The following PHRF1 variants were observed in gnomAD, a reference collection of about 807,000 sequenced individuals.
PHRF1 encodes PHD and RING finger domain-containing protein 1.
PHRF1 carries 53 observed loss-of-function variants against 128.9 expected under a neutral mutation model. The ratio of observed to expected loss-of-function variants is 0.41; its 90% CI spans 0.33 to 0.52. PHRF1 has a LOEUF of 0.52. PHRF1 is among the 20% of genes least tolerant of loss of function. The probability of loss-of-function intolerance (pLI) is 0.21; values close to 1 mark genes in which losing one functional copy is unlikely to be tolerated. For synonymous variants in PHRF1, 1,178 were observed against 980.6 expected, an observed-to-expected ratio of 1.20 and a Z score of -3.76; for missense variants, 2,503 against 2,284.5, an observed-to-expected ratio of 1.10 and a Z score of -1.95.
rs371041555 is a variant in PHRF1, at chr11:580,866, T to A, written c.-21-626T>A. 1.8e-4 allele frequency among the ~76,000 whole-genome samples: 27 copies of A among 152,214 alleles called. No homozygotes were observed. In the South Asian group the frequency reaches 5.6e-3, roughly 32 times the overall value. The stretch of plus-strand genomic sequence containing the variant: ...ACCACGCCTGGCTAATTTTTGTATT[T>A]TTAGTAGAGACGGGGTTTCATCATG... On this transcript the variant is annotated intron_variant, in intron 1 of 17. Coordinates refer to ENST00000264555, the MANE Select transcript of PHRF1 (RefSeq NM_001286581.2).
rs1164848927 is a variant in PHRF1 at position 609,535 on chromosome 11, C to T, written c.4079C>T (p.Ser1360Phe). The T allele has an allele frequency of 6.2e-7, 1 of 1,600,792 alleles. No individual in the cohort carries two copies. The highest frequency in any genetic ancestry group is 8.5e-7 in the Non-Finnish European group (1 of 1,176,166). ...GCTGAGAAGGCTGAGGCACCCAGTT[C>T]CCCGGATGTGGCGCCTGCGGGGAAG... Reference protein sequence around the residue: ...DAAEKAEAPSSPDVAPAGKED... With the variant: ...DAAEKAEAPSFPDVAPAGKED... The change falls in exon 14 of 18, where the codon TCC (serine) becomes TTC (phenylalanine). Residue 1360 changes from serine (S) to phenylalanine (F), a missense_variant. Coordinates refer to ENST00000264555, the MANE Select transcript of PHRF1 (RefSeq NM_001286581.2).
chr11:608,771 GAGT>G lies in PHRF1; in HGVS notation c.3318_3320del (p.Ser1106del). 1 of 1,611,836 alleles carries G rather than the reference GAGT, an allele frequency of 6.2e-7. No homozygotes were observed. Among genetic ancestry groups the G allele is most frequent in the Non-Finnish European group, 8.5e-7 (1 of 1,179,676 alleles). On this transcript the variant is annotated inframe_deletion, in exon 14 of 18. Coordinates refer to ENST00000264555, the MANE Select transcript of PHRF1 (RefSeq NM_001286581.2). ...GCAGCTCTTCCTATGAGCACTATGA[GAGT>G]AGGAAGAAGAAGAAAAGGAGATCAG...
In PHRF1 at chr11:611,138, G is replaced by A. The variant is rs144439467; in HGVS notation, c.4806+56G>A. 2,058 of 1,599,702 alleles carry A rather than the reference G, an allele frequency of 1.3e-3. 20 individuals are homozygous for A. In the African/African-American group the frequency reaches 0.025, roughly 19 times the overall value. On this transcript the variant is annotated intron_variant, in intron 17 of 17. Transcript: ENST00000264555. ...TCGGGGTCACGGGCGGTACGTCGCT[G>A]CTGTCTCGTCAGCATGGACTTTGGG...
rs766388644 is a variant in PHRF1 at position 611,768 on chromosome 11, C to T, written c.4941C>T (p.Ala1647=). Residue 1647 remains alanine, a synonymous_variant, in exon 18 of 18, where the codon GCC becomes GCT. Coordinates refer to ENST00000264555, the MANE Select transcript of PHRF1 (RefSeq NM_001286581.2). ...GGGAGGAGCCGCCCACGCAGGGGGC[C>T]GAGGGCTGAGGCCAGGCAATCACGG... ...EAGEEPPTQG[A]EG The T allele has an allele frequency of 8.1e-6, 13 of 1,603,912 alleles. No homozygotes were observed. The highest frequency in any genetic ancestry group is 5.1e-5 in the Admixed American group (3 of 58,274).
In PHRF1 at chr11:601,579, C is replaced by T. The variant is rs764662939; in HGVS notation, c.1030C>T (p.Arg344Trp). 5.6e-6 allele frequency: 9 copies of T among 1,613,504 alleles called. No individual in the cohort carries two copies. Among genetic ancestry groups the T allele is most frequent in the South Asian group, 4.4e-5 (4 of 91,072 alleles). Residue 344 changes from arginine to tryptophan, a missense_variant, in exon 10 of 18, where the codon CGG becomes TGG. Physicochemically the swap from Arg to Trp is moderately radical, Grantham distance 101. Transcript: ENST00000264555. ...CTTCAACCTCTTTTCCTTAGGAAGACGGAAGAAAGTGCCGGGAAGAAAGAA... is the reference window on the plus strand; with the variant it reads ...CTTCAACCTCTTTTCCTTAGGAAGATGGAAGAAAGTGCCGGGAAGAAAGAA... ...PARRKRKTRR[R>W]KKVPGRKKTP...
intron 9 of PHRF1, among the ~76,000 whole-genome samples, chr11:601,183 AC>A (rs1006634310): frequency 4.6e-5 from 7 of 151,086 alleles, no homozygotes; most frequent in South Asian, 4.2e-4. Context: ...GGTGGCTCAC[AC>A]CTGTAATCCT....
chr11:582,242 C>T lies in PHRF1; in HGVS notation c.214+161C>T, dbSNP rs1054956436. Among the ~76,000 whole-genome samples the T allele has an allele frequency of 2.0e-5, 3 of 150,802 alleles. No homozygotes were observed. In the South Asian group the frequency reaches 6.3e-4, roughly 32 times the overall value. Reference sequence around the variant, plus strand: ...TATATTCAGCTGTGGTGACGGCTCACTTTATTTGTAGTACTTCATTTCTTT... The same window carrying T: ...TATATTCAGCTGTGGTGACGGCTCATTTTATTTGTAGTACTTCATTTCTTT... On this transcript the variant is annotated intron_variant, in intron 3 of 17. Transcript: ENST00000264555.
At chr11:590,520 A>C (rs1854904665) in intron 4 of PHRF1, among the ~76,000 whole-genome samples, 1 of 152,306 alleles carries the variant, frequency 6.6e-6, no homozygotes, top group Middle Eastern at 3.4e-3. Context: ...CCCGAAGACC[A>C]GGGTGGGTAC....
At position 607,174 on chromosome 11, in the gene PHRF1, C is replaced by G. The variant is rs751366941; in HGVS notation, c.1718C>G (p.Pro573Arg). The G allele has an allele frequency of 2.5e-6, 4 of 1,612,590 alleles. No individual in the cohort carries two copies. Among genetic ancestry groups the G allele is most frequent in the Non-Finnish European group, 3.4e-6 (4 of 1,179,790 alleles). The change falls in exon 14 of 18, where the codon CCG (proline) becomes CGG (arginine). Residue 573 changes from proline (P) to arginine (R), a missense_variant. Pro to Arg is a moderately radical substitution (Grantham distance 103). Coordinates refer to ENST00000264555, the MANE Select transcript of PHRF1 (RefSeq NM_001286581.2). ...CCCTCCGGGAGCCCGGCCCAAGGCCCGTCAGGAAACAGGCCACAGAGCACA... is the reference window on the plus strand; with the variant it reads ...CCCTCCGGGAGCCCGGCCCAAGGCCGGTCAGGAAACAGGCCACAGAGCACA... ...ALPSGSPAQG[P>R]SGNRPQSTGL...
intron 6 of PHRF1, 44 bp downstream of exon 6, chr11:592,718 A>G: frequency 6.3e-6 from 10 of 1,587,916 alleles, no homozygotes; most frequent in Non-Finnish European, 8.6e-6. Context: ...GCTGCGTGCA[A>G]GGCGGGCCAG....
At chr11:589,658 G>T (rs377273605) in intron 4 of PHRF1, among the ~76,000 whole-genome samples, 2 of 152,222 alleles carry the variant, frequency 1.3e-5, no homozygotes, top group Non-Finnish European at 2.9e-5. Context: ...TCAAGATCTC[G>T]GACTAGAAAG....
chr11:608,165 C>G lies in PHRF1; in HGVS notation c.2709C>G (p.Ser903=). The G allele has an allele frequency of 6.2e-7, 1 of 1,610,876 alleles. No individual in the cohort carries two copies. The highest frequency in any genetic ancestry group is 8.5e-7 in the Non-Finnish European group (1 of 1,179,838). The change falls in exon 14 of 18, where the codon TCC becomes TCG. Residue 903 remains serine, a synonymous_variant. Coordinates refer to ENST00000264555, the MANE Select transcript of PHRF1 (RefSeq NM_001286581.2). ...EPPLGPSSAM[S]KLRGAVAAEG... is the part of the protein sequence containing the mutation. ...CTCTCGGACCGTCCTCCGCCATGTC[C>G]AAGCTCCGGGGTGCAGTGGCTGCCG...
At chr11:601,521 G>C (rs970108150) in intron 9 of PHRF1, 53 bp from the exon 10 acceptor site, 1 of 1,610,246 alleles carries the variant, frequency 6.2e-7, no homozygotes, top group Non-Finnish European at 8.5e-7. Flanking sequence ...CACAGGAATG[G>C]GGCAGGGAGG....
intron 9 of PHRF1, among the ~76,000 whole-genome samples, chr11:600,518 A>G (rs1183274504): frequency 2.3e-5 from 3 of 131,224 alleles, no homozygotes; most frequent in Admixed American, 7.6e-5. Context: ...ATATATATAT[A>G]TGGTTTATTT....
At chr11:596,322 G>C (rs1290436947) in intron 6 of PHRF1, among the ~76,000 whole-genome samples, 1 of 152,174 alleles carries the variant, frequency 6.6e-6, no homozygotes, top group African/African-American at 2.4e-5. Context: ...AGGCTCGATA[G>C]AAACAATTAA....
intron 1 of PHRF1, among the ~76,000 whole-genome samples, chr11:577,830 C>T (rs1249710198): frequency 6.6e-6 from 1 of 152,252 alleles, no homozygotes; most frequent in Non-Finnish European, 1.5e-5. Flanking sequence ...CTTTTCATTC[C>T]TTAGTAACAG....
At position 606,427 on chromosome 11, in the gene PHRF1, G is replaced by T. The variant is rs1001515061; in HGVS notation, c.1455-15G>T. ...GGGAGGCAGTGACGGCAGGGCCTTG[G>T]GTCTGTGCCCACAGGAGGCGCCTCC... On this transcript the variant is annotated splice_polypyrimidine_tract_variant and intron_variant, in intron 12 of 17. Coordinates refer to ENST00000264555, the MANE Select transcript of PHRF1 (RefSeq NM_001286581.2). 2.0e-6 allele frequency: 3 copies of T among 1,538,446 alleles called. No individual in the cohort carries two copies. Among genetic ancestry groups the T allele is most frequent in the Non-Finnish European group, 2.6e-6 (3 of 1,147,638 alleles).
rs373497932 is a variant in PHRF1, at chr11:597,373, C to T, written c.719-22C>T. 1.6e-5 allele frequency: 26 copies of T among 1,603,394 alleles called. No individual in the cohort carries two copies. The African/African-American group carries it at 3.2e-4, about 20-fold the overall frequency. ...CGTGTGGCCTGTGAGTGTGGCACATCAGCCCTGGTGGTTCTTCCCAGATGC... is the reference window on the plus strand; with the variant it reads ...CGTGTGGCCTGTGAGTGTGGCACATTAGCCCTGGTGGTTCTTCCCAGATGC... On this transcript the variant is annotated intron_variant, in intron 7 of 17. Transcript: ENST00000264555. This position sits in a 1 kb window ranked among gnomAD's most constrained non-coding sequence, Gnocchi z 6.5.
At position 597,497 on chromosome 11, in the gene PHRF1, C is replaced by G. The variant is rs1855364453; in HGVS notation, c.821C>G (p.Ala274Gly). 1.2e-6 allele frequency: 2 copies of G among 1,612,694 alleles called. No individual in the cohort carries two copies. Among genetic ancestry groups the G allele is most frequent in the Non-Finnish European group, 1.7e-6 (2 of 1,179,598 alleles). ...RPRAGRTRAI[A>G]RTRQSERVRA... ...CGAGCAGGTAGGACCCGGGCGATAG[C>G]CAGGACACGGCAGAGTGAGAGAGTG... The change falls in exon 8 of 18, where the codon GCC becomes GGC. Residue 274 changes from alanine (A) to glycine (G), a missense_variant. Transcript: ENST00000264555. This position sits in a 1 kb window ranked among gnomAD's most constrained non-coding sequence, Gnocchi z 6.5.
Sources: allele counts gnomAD v4.1 joint callset (sites outside exome capture counted in the v4.1 genomes callset), GRCh38; gene constraint gnomAD v4.1.1; non-coding constraint Gnocchi (gnomAD v3.1); transcripts MANE v1.5; gene names NCBI Gene and HGNC (gene_info 2026-07-23, HGNC 2026-07-21).